ATXN7L1: variants seen among roughly 807,000 people sequenced by gnomAD.
The protein encoded by ATXN7L1 is ataxin 7 like 1, also known as ataxin-7-like protein 1.
In ATXN7L1, 15 loss-of-function variants were observed where a neutral mutation model predicts 70.8. That is an observed-to-expected ratio of 0.21 (90% CI 0.14 to 0.33). ATXN7L1 has a LOEUF of 0.33. Ranked by LOEUF, ATXN7L1 falls within the 10% of genes least tolerant of loss-of-function variation. ATXN7L1 has a pLI of 1.00. For synonymous variants in ATXN7L1, 440 were observed against 445.1 expected (o/e 0.99, Z 0.14); for missense variants, 975 against 1,097.1 (o/e 0.89, Z 1.57).
chr7:105,684,381 C>T (rs1465178295), intron 3 of ATXN7L1, among the ~76,000 whole-genome samples: 1 of 152,172 alleles, frequency 6.6e-6, no homozygotes, highest in Non-Finnish European at 1.5e-5. Context: ...TCTCTTGGCT[C>T]CTCTTGTTCT....
At chr7:105,844,642 AT>A (rs1282339445) in intron 2 of ATXN7L1, among the ~76,000 whole-genome samples, 2 of 152,236 alleles carry the variant, frequency 1.3e-5, no homozygotes, top group African/African-American at 4.8e-5. Flanking sequence ...AAGAGATTTA[AT>A]GCTTTCTCCC....
intron 4 of ATXN7L1, among the ~76,000 whole-genome samples, chr7:105,647,474 C>T (rs1312047444): frequency 6.6e-6 from 1 of 152,076 alleles, no homozygotes; most frequent in Non-Finnish European, 1.5e-5. Flanking sequence ...ATGGTGATAC[C>T]CCGTCTCTAC....
rs1554453050 is a variant in ATXN7L1, at chr7:105,759,484, G to GTGTGTGTGTGTGTGTGTT, written c.355+29119_355+29120insAACACACACACACACACA. Among the ~76,000 whole-genome samples the GTGTGTGTGTGTGTGTGTT allele has an allele frequency of 6.6e-5, 9 of 135,734 alleles. No homozygotes were observed. In the East Asian group the frequency reaches 1.1e-3, roughly 17 times the overall value. 89.0% of individuals were successfully genotyped at this position (135,734 alleles called of 152,430 possible). ...TGTGTGTGTGTGTGTGTGTGTGTGTGTGTGTGTATGTCAGAGTGACCTATC... is the reference window on the plus strand; with the variant it reads ...TGTGTGTGTGTGTGTGTGTGTGTGTGTGTGTGTGTGTGTGTGTTTGTGTGTATGTCAGAGTGACCTATC... On this transcript the variant is annotated intron_variant, in intron 3 of 11. Coordinates refer to ENST00000419735, the MANE Select transcript of ATXN7L1 (RefSeq NM_020725.2).
intron 9 of ATXN7L1, among the ~76,000 whole-genome samples, chr7:105,617,127 C>T (rs571456964): frequency 6.6e-6 from 1 of 151,898 alleles, no homozygotes; most frequent in Non-Finnish European, 1.5e-5. Context: ...CCCGGGTTCA[C>T]GCCATTCTGC....
In ATXN7L1 at chr7:105,678,273, C is replaced by T. The variant is rs539988032; in HGVS notation, c.356-12985G>A. 1.1e-3 allele frequency among the ~76,000 whole-genome samples: 169 copies of T among 152,252 alleles called. 1 individual carries two copies. The highest frequency in any genetic ancestry group is 3.8e-3 in the African/African-American group (157 of 41,524). ...ACACAGCAAAGGGTCTATTTTCCTG[C>T]CACCAGTCACTCGCTTGTGGCATTT... On this transcript the variant is annotated intron_variant, in intron 3 of 11. Coordinates refer to ENST00000419735, the MANE Select transcript of ATXN7L1 (RefSeq NM_020725.2).
intron 3 of ATXN7L1, among the ~76,000 whole-genome samples, chr7:105,778,156 T>C (rs888874894): frequency 3.9e-5 from 6 of 152,136 alleles, no homozygotes; most frequent in African/African-American, 9.7e-5. Context: ...ATCCAAGACA[T>C]TCAGCCTTCA....
At chr7:105,673,897 A>AG (rs1038797015) in intron 3 of ATXN7L1, among the ~76,000 whole-genome samples, 2 of 152,320 alleles carry the variant, frequency 1.3e-5, no homozygotes, top group South Asian at 4.1e-4. Context: ...CCATGGTGTA[A>AG]GGGGGGATAT....
At chr7:105,617,983 G>A (rs975835830) in intron 9 of ATXN7L1, 7 of 456,616 alleles carry the variant, frequency 1.5e-5, no homozygotes, top group African/African-American at 4.0e-5. Context: ...GGGGTGCTAC[G>A]CTCTCCAGAG....
At chr7:105,718,988 C>T (rs1414044470) in intron 3 of ATXN7L1, among the ~76,000 whole-genome samples, 1 of 152,114 alleles carries the variant, frequency 6.6e-6, no homozygotes, top group East Asian at 1.9e-4. Flanking sequence ...AAGCAAGGGG[C>T]CTGTTGTGTT....
At chr7:105,756,370 A>C (rs1279435949) in intron 3 of ATXN7L1, among the ~76,000 whole-genome samples, 2 of 152,220 alleles carry the variant, frequency 1.3e-5, no homozygotes. Flanking sequence ...GACAGAGAGA[A>C]AAATGTGAAT....
intron 11 of ATXN7L1, among the ~76,000 whole-genome samples, chr7:105,608,744 A>C (rs1391047841): frequency 2.0e-5 from 3 of 152,200 alleles, no homozygotes; most frequent in African/African-American, 7.2e-5. Flanking sequence ...GGGGATACAA[A>C]AACCATTTCC....
chr7:105,750,056 G>A (rs1448953019), intron 3 of ATXN7L1, among the ~76,000 whole-genome samples: 1 of 151,708 alleles, frequency 6.6e-6, no homozygotes, highest in Non-Finnish European at 1.5e-5. Context: ...GGAGAACTTG[G>A]GATTGACTTT....
rs986858532 is a variant in ATXN7L1, at chr7:105,624,351, C to T, written c.1203-84G>A. 2.4e-6 allele frequency: 3 copies of T among 1,245,288 alleles called. No homozygotes were observed. The African/African-American group carries it at 4.7e-5, about 19-fold the overall frequency. The allele number at this position is 1,245,288 out of a possible 1,614,324, so 77.1% of individuals were successfully genotyped here. ...AAGATCCACCCAGTTTAATGGTGCT[C>T]AGAAAACAGCCTGATTAAGGCCAGG... On this transcript the variant is annotated intron_variant, in intron 7 of 11. Coordinates refer to ENST00000419735, the MANE Select transcript of ATXN7L1 (RefSeq NM_020725.2).
intron 3 of ATXN7L1, among the ~76,000 whole-genome samples, chr7:105,709,770 G>A (rs1793649564): frequency 6.6e-6 from 1 of 152,034 alleles, no homozygotes; most frequent in Non-Finnish European, 1.5e-5. Context: ...GAGGTGTGGT[G>A]TGCCCCCTTC....
chr7:105,669,057 T>A (rs1188808160), intron 3 of ATXN7L1, among the ~76,000 whole-genome samples: 3 of 152,110 alleles, frequency 2.0e-5, no homozygotes, highest in Admixed American at 6.5e-5. Flanking sequence ...ACAAAACAAC[T>A]GTATCAGTGG....
intron 3 of ATXN7L1, among the ~76,000 whole-genome samples, chr7:105,727,302 A>T (rs1339254471): frequency 1.3e-5 from 2 of 152,186 alleles, no homozygotes; most frequent in Non-Finnish European, 2.9e-5. Flanking sequence ...CACAGGCTTG[A>T]AAGATACCTA....
chr7:105,830,488 C>T (rs1380497072), intron 2 of ATXN7L1, among the ~76,000 whole-genome samples: 1 of 152,238 alleles, frequency 6.6e-6, no homozygotes, highest in Non-Finnish European at 1.5e-5. Flanking sequence ...GATAAGATGT[C>T]ACTGTGTAGG....
intron 2 of ATXN7L1, among the ~76,000 whole-genome samples, chr7:105,804,626 A>G (rs1231538204): frequency 6.6e-6 from 1 of 152,186 alleles, no homozygotes; most frequent in Non-Finnish European, 1.5e-5. Flanking sequence ...GAGAAGATTT[A>G]TTGATAAAAT....
intron 2 of ATXN7L1, among the ~76,000 whole-genome samples, chr7:105,864,695 G>A (rs1028881709): frequency 1.3e-5 from 2 of 151,302 alleles, no homozygotes; most frequent in Admixed American, 6.6e-5. Flanking sequence ...GTGCAGTGGT[G>A]CAATCTCGGC....
Sources: gnomAD v4.1 joint callset for allele counts (sites outside exome capture counted in the v4.1 genomes callset) on GRCh38, gnomAD v4.1.1 for gene constraint, MANE v1.5 for transcripts, NCBI Gene and HGNC (gene_info 2026-07-23, HGNC 2026-07-21) for gene names.